ADGRL3: variants seen among roughly 807,000 people sequenced by gnomAD.
ADGRL3 encodes adhesion G protein-coupled receptor L3, also known as calcium-independent alpha-latrotoxin receptor 3.
Under a neutral mutation model 153.5 loss-of-function variants are expected in ADGRL3, and 62 were observed. The observed-to-expected ratio is 0.40, with a 90% CI of 0.33 to 0.50. The LOEUF (loss-of-function observed/expected upper bound fraction) is 0.50. Ranked by LOEUF, ADGRL3 falls within the 20% of genes least tolerant of loss-of-function variation. The probability of loss-of-function intolerance (pLI) is 0.47; values close to 1 mark genes in which losing one functional copy is unlikely to be tolerated. For synonymous variants in ADGRL3, 710 were observed against 672.5 expected (o/e 1.06, Z -0.86); for missense variants, 1,641 against 1,859.4 (o/e 0.88, Z 2.16).
intron 2 of ADGRL3, among the ~76,000 whole-genome samples, chr4:61,414,343 G>A (rs1384710695): frequency 6.6e-6 from 1 of 152,120 alleles, no homozygotes; most frequent in Non-Finnish European, 1.5e-5. Context: ...TCCCTTGTAT[G>A]TGATTTAGAG....
chr4:61,343,870 A>G (rs1204119214), intron 1 of ADGRL3, among the ~76,000 whole-genome samples: 1 of 152,214 alleles, frequency 6.6e-6, no homozygotes, highest in Non-Finnish European at 1.5e-5. Flanking sequence ...ACTTTGGGAA[A>G]TACTGGGTCA....
intron 1 of ADGRL3, among the ~76,000 whole-genome samples, chr4:61,203,496 G>C (rs528730152): frequency 6.6e-6 from 1 of 152,296 alleles, no homozygotes; most frequent in Non-Finnish European, 1.5e-5. Flanking sequence ...CCAGCTGCTG[G>C]GGAAATGAGG....
At chr4:61,927,991 G>C (rs999234410) in intron 13 of ADGRL3, among the ~76,000 whole-genome samples, 4 of 151,118 alleles carry the variant, frequency 2.6e-5, no homozygotes, top group African/African-American at 7.3e-5. Context: ...AATATATCCT[G>C]ATATTTAGAT....
At chr4:62,028,905 T>C (rs772405198) in intron 22 of ADGRL3, 24 bp downstream of exon 22, 11 of 1,598,330 alleles carry the variant, frequency 6.9e-6, no homozygotes, top group African/African-American at 5.4e-5. Flanking sequence ...GAATGGCTGA[T>C]AAATTCCGTT....
chr4:61,564,698 G>A (rs1408707220), intron 4 of ADGRL3, among the ~76,000 whole-genome samples: 1 of 152,144 alleles, frequency 6.6e-6, no homozygotes, highest in Non-Finnish European at 1.5e-5. Context: ...CTTTTGATAT[G>A]CCTTCCTCAC....
intron 9 of ADGRL3, among the ~76,000 whole-genome samples, chr4:61,852,293 ATTTTATTTT>A (rs2098214749): frequency 1.3e-5 from 2 of 149,840 alleles, no homozygotes; most frequent in African/African-American, 2.4e-5. Flanking sequence ...TTTTAATTTT[ATTTTATTTT>A]ATTTTATTTT....
chr4:61,220,635 C>CTT (rs147627741), intron 1 of ADGRL3, among the ~76,000 whole-genome samples: 1 of 152,174 alleles, frequency 6.6e-6, no homozygotes, highest in Admixed American at 6.5e-5. Flanking sequence ...AAGCCATTTC[C>CTT]TTTTTTTCCC....
intron 9 of ADGRL3, among the ~76,000 whole-genome samples, chr4:61,838,890 C>T (rs182558056): frequency 2.0e-3 from 300 of 152,154 alleles, no homozygotes; most frequent in African/African-American, 7.0e-3. Flanking sequence ...TGTGTAAGTG[C>T]CTAGAGCAAA....
rs928692531 is a variant in ADGRL3, at chr4:61,295,370, G to A, written c.-239-87754G>A. Among the ~76,000 whole-genome samples the A allele has an allele frequency of 2.6e-5, 4 of 151,934 alleles. No homozygotes were observed. In the East Asian group the frequency reaches 5.8e-4, roughly 22 times the overall value. ...AATTTATAAATTTACCTTTATCATA[G>A]GTATATATGTATAGGAGAAACACCA... On this transcript the variant is annotated intron_variant, in intron 1 of 26. Transcript: ENST00000683033.
At chr4:61,675,493 TGTGA>T (rs1291487903) in intron 5 of ADGRL3, among the ~76,000 whole-genome samples, 1 of 151,950 alleles carries the variant, frequency 6.6e-6, no homozygotes, top group East Asian at 1.9e-4. Context: ...ATTAGTCCAC[TGTGA>T]GTATGGGTAT....
At chr4:61,729,054 A>G (rs1299967494) in intron 6 of ADGRL3, among the ~76,000 whole-genome samples, 1 of 151,846 alleles carries the variant, frequency 6.6e-6, no homozygotes, top group African/African-American at 2.4e-5. Flanking sequence ...TAATATTTGT[A>G]GAGAGGGAGG....
At chr4:61,898,742 C>T (rs1406140153) in intron 11 of ADGRL3, among the ~76,000 whole-genome samples, 1 of 152,084 alleles carries the variant, frequency 6.6e-6, no homozygotes, top group Admixed American at 6.5e-5. Flanking sequence ...CCTCAGCTTC[C>T]TGAAGCTGGG....
chr4:61,360,849 A>G (rs1578427303), intron 1 of ADGRL3, among the ~76,000 whole-genome samples: 5 of 152,316 alleles, frequency 3.3e-5, no homozygotes, highest in Admixed American at 2.0e-4. Context: ...AACAACAGCA[A>G]TAATAATAGC....
chr4:61,698,000 G>C (rs1279835545), intron 6 of ADGRL3, among the ~76,000 whole-genome samples: 3 of 152,096 alleles, frequency 2.0e-5, no homozygotes, highest in Admixed American at 6.5e-5. Flanking sequence ...TGTTCAACAG[G>C]CTCCCCCACT....
In ADGRL3 at chr4:61,485,913, GCT is replaced by G. The variant is rs1491121161; in HGVS notation, c.-173-11207_-173-11206del. ...AGCTCATTAGTCTCAGCTATGGAAT[GCT>G]TTTTTTTTTTTGTTTTGTTTGTTTG... is the stretch of plus-strand genomic sequence containing the variant. On this transcript the variant is annotated intron_variant, in intron 2 of 26. Transcript: ENST00000683033. Among the ~76,000 whole-genome samples the G allele has an allele frequency of 1.9e-4, 5 of 26,096 alleles. No individual in the cohort carries two copies. In the Admixed American group the frequency reaches 4.1e-3, roughly 22 times the overall value. 17.1% of individuals were successfully genotyped at this position (26,096 alleles called of 152,430 possible).
At chr4:61,472,270 T>C (rs2097966832) in intron 2 of ADGRL3, among the ~76,000 whole-genome samples, 1 of 152,120 alleles carries the variant, frequency 6.6e-6, no homozygotes, top group Non-Finnish European at 1.5e-5. Flanking sequence ...GCTTGAAAAG[T>C]TCAAAGACTA....
chr4:61,823,132 T>C (rs936775758), intron 9 of ADGRL3, among the ~76,000 whole-genome samples: 2 of 152,212 alleles, frequency 1.3e-5, no homozygotes, highest in African/African-American at 2.4e-5. Context: ...CTGTGTTCTC[T>C]CTTCTGAGGT....
intron 25 of ADGRL3, among the ~76,000 whole-genome samples, chr4:62,064,697 G>A (rs1261375062): frequency 5.3e-5 from 8 of 151,456 alleles, no homozygotes; most frequent in Non-Finnish European, 1.2e-4. Context: ...TCGGTCACAG[G>A]TGAAAGATTA....
intron 4 of ADGRL3, among the ~76,000 whole-genome samples, chr4:61,531,759 C>A (rs1459276444): frequency 6.6e-6 from 1 of 152,032 alleles, no homozygotes; most frequent in African/African-American, 2.4e-5. Flanking sequence ...ATGATGTACT[C>A]TAAATTTCTA....
Sources: allele counts gnomAD v4.1 joint callset (sites outside exome capture counted in the v4.1 genomes callset), GRCh38; gene constraint gnomAD v4.1.1; transcripts MANE v1.5; gene names NCBI Gene and HGNC (gene_info 2026-07-23, HGNC 2026-07-21).